Variants in CNTRL observed in about 807,000 individuals in gnomAD.
CNTRL encodes centriolin, also known as 110 kDa centrosomal protein.
CNTRL carries 233 observed loss-of-function variants against 303.7 expected under a neutral mutation model. That is an observed-to-expected ratio of 0.77 (90% confidence interval 0.69 to 0.86). The LOEUF (loss-of-function observed/expected upper bound fraction) is 0.86. Among genes scored for constraint, CNTRL ranks in the 40% least tolerant of loss-of-function variants. The pLI, the probability that CNTRL is intolerant of heterozygous loss-of-function variation, is 0.00. For synonymous variants in CNTRL, 900 were observed against 922.2 expected (o/e 0.98, Z 0.44); for missense variants, 2,524 against 2,650.6 (o/e 0.95, Z 1.05).
intron 34 of CNTRL, among the ~76,000 whole-genome samples, chr9:121,162,818 A>C (rs945300161): frequency 6.6e-6 from 1 of 152,170 alleles, no homozygotes; most frequent in Non-Finnish European, 1.5e-5. Context: ...TAATCAAAAC[A>C]CTGTGGTATT....
At chr9:121,116,984 G>A (rs186397288) in intron 11 of CNTRL, among the ~76,000 whole-genome samples, 243 of 152,286 alleles carry the variant, frequency 1.6e-3, no homozygotes, top group African/African-American at 5.7e-3. Context: ...TACATAGATT[G>A]ATAGATGTAA....
chr9:121,135,987 G>GT lies in CNTRL; in HGVS notation c.2202+6dup. 3.1e-6 allele frequency: 5 copies of GT among 1,589,168 alleles called. No individual in the cohort carries two copies. The highest frequency in any genetic ancestry group is 3.4e-6 in the Non-Finnish European group (4 of 1,163,310). ...AAAGTAACAAGACTTACCCAGGTAA[G>GT]TAGGAGCATGAAGCCAACTGCAAAC... On this transcript the variant is annotated splice_donor_region_variant and intron_variant, in intron 15 of 43. Transcript: ENST00000373855.
rs187740739 is a variant in CNTRL at position 121,162,265 on chromosome 9, C to T, written c.5417C>T (p.Thr1806Ile). The T allele has an allele frequency of 4.3e-6, 7 of 1,613,072 alleles. No homozygotes were observed. The highest frequency in any genetic ancestry group is 1.1e-5 in the South Asian group (1 of 91,028). The change falls in exon 34 of 44, where the codon ACC (threonine) becomes ATC (isoleucine). Residue 1806 changes from threonine (T) to isoleucine (I), a missense_variant. Thr to Ile is a moderately conservative substitution (Grantham distance 89, BLOSUM62 -1). Transcript: ENST00000373855. ...CDIWEKKLAQ[T>I]KRVLAAAEEN... ...ATTTGGGAAAAAAAGTTGGCACAAA[C>T]CAAAAGGTGAGAGCAAGAACAAATA...
chr9:121,114,149 C>T (rs568547779), intron 10 of CNTRL, among the ~76,000 whole-genome samples: 1 of 152,236 alleles, frequency 6.6e-6, no homozygotes, highest in Non-Finnish European at 1.5e-5. Context: ...GAAGGCTAGC[C>T]TCTGACTTTT....
At chr9:121,093,416 G>A (rs1204741214) in intron 4 of CNTRL, among the ~76,000 whole-genome samples, 1 of 152,138 alleles carries the variant, frequency 6.6e-6, no homozygotes, top group Non-Finnish European at 1.5e-5. Context: ...TTGGGTTTTG[G>A]ATTTTTTGAT....
rs753748900 is a variant in CNTRL, at chr9:121,166,114, A to G, written c.5589A>G (p.Arg1863=). ...AGAATGTCATTTCTTTAGAAAAACG[A>G]GAAGCAGTAAACTCACTGCAGGAGG... The part of the protein sequence containing the change: ...SAMQQQLQEK[R]EAVNSLQEEL... Residue 1863 remains arginine, a synonymous_variant, in exon 36 of 44, where the codon CGA becomes CGG. Transcript: ENST00000373855. 6.2e-7 allele frequency: 1 copy of G among 1,610,270 alleles called. No individual in the cohort carries two copies. The highest frequency in any genetic ancestry group is 1.1e-5 in the South Asian group (1 of 90,532).
At chr9:121,163,904 G>C (rs1351670719) in intron 34 of CNTRL, among the ~76,000 whole-genome samples, 1 of 136,044 alleles carries the variant, frequency 7.4e-6, no homozygotes, top group East Asian at 2.2e-4. Context: ...TCGCTCTGTT[G>C]CCCAGGCTGG....
At chr9:121,078,834 C>T (rs1042086709) in intron 1 of CNTRL, among the ~76,000 whole-genome samples, 4 of 152,188 alleles carry the variant, frequency 2.6e-5, no homozygotes, top group East Asian at 1.9e-4. Context: ...AGATGCATAG[C>T]GTAAGGCAGG....
Position 121,088,569 on chromosome 9 carries a change from G to A in CNTRL, c.217+26G>A, listed in dbSNP as rs771692398. ...GTATCACTTTTTAATCTAAGAATTG[G>A]TCTGACCACATACTTCAAGTAGAGA... On this transcript the variant is annotated intron_variant, in intron 3 of 43. Transcript: ENST00000373855. The A allele has an allele frequency of 2.0e-6, 3 of 1,484,008 alleles. No homozygotes were observed. In the Admixed American group the frequency reaches 5.3e-5, roughly 26 times the overall value. 91.9% of individuals were successfully genotyped at this position (1,484,008 alleles called of 1,614,324 possible).
At chr9:121,116,388 T>A (rs542872917) in intron 11 of CNTRL, among the ~76,000 whole-genome samples, 1 of 152,238 alleles carries the variant, frequency 6.6e-6, no homozygotes, top group African/African-American at 2.4e-5. Context: ...TTATTTTTAT[T>A]TTTTTGAGAC....
intron 12 of CNTRL, chr9:121,121,730 G>T (rs1262167782): frequency 1.3e-4 from 127 of 968,384 alleles, no homozygotes; most frequent in Non-Finnish European, 1.5e-4. Flanking sequence ...GGGCCTGCCC[G>T]CAGAGGCTGC....
chr9:121,168,069 G>GTTTTT (rs778879312), intron 37 of CNTRL, 27 bp from the exon 38 acceptor site: 3 of 1,577,150 alleles, frequency 1.9e-6, no homozygotes, highest in Non-Finnish European at 2.6e-6. Flanking sequence ...GTTGTTTAAT[G>GTTTTT]ACTAATCAAG....
chr9:121,115,436 A>G (rs1462317770), intron 11 of CNTRL, among the ~76,000 whole-genome samples: 2 of 152,212 alleles, frequency 1.3e-5, no homozygotes, highest in African/African-American at 4.8e-5. Context: ...AATTTTATGT[A>G]AAAAGGTGTA....
Position 121,154,703 on chromosome 9 carries a change from G to T in CNTRL, c.4173-18G>T. 1.4e-6 allele frequency: 2 copies of T among 1,471,822 alleles called. No individual in the cohort carries two copies. Among genetic ancestry groups the T allele is most frequent in the Non-Finnish European group, 1.9e-6 (2 of 1,053,606 alleles). 91.2% of individuals were successfully genotyped at this position (1,471,822 alleles called of 1,614,324 possible). A position where few individuals can be genotyped will look rare whatever the true frequency, so the allele number is the denominator to read the frequency against. The stretch of plus-strand genomic sequence containing the variant: ...CTACATTTAACATTTTTTAATGGGT[G>T]TATATATTATTTTTTAGGGACTTCA... On this transcript the variant is annotated intron_variant, in intron 26 of 43. Transcript: ENST00000373855.
intron 2 of CNTRL, 125 bp from the exon 3 acceptor site, chr9:121,088,171 G>A (rs142142570): frequency 8.2e-6 from 5 of 608,634 alleles, no homozygotes; most frequent in Non-Finnish European, 1.2e-5. Context: ...TCAGCTTGGA[G>A]TAGTATGGGT....
chr9:121,110,323 T>C (rs2049690756), intron 8 of CNTRL, among the ~76,000 whole-genome samples: 1 of 152,150 alleles, frequency 6.6e-6, no homozygotes, highest in Non-Finnish European at 1.5e-5. Context: ...ATGAAAATAA[T>C]TTGAAATGAA....
chr9:121,156,683 C>G (rs760753610), intron 27 of CNTRL, among the ~76,000 whole-genome samples: 1 of 152,124 alleles, frequency 6.6e-6, no homozygotes, highest in East Asian at 1.9e-4. Flanking sequence ...AAACCACACT[C>G]TATTTATTTT....
chr9:121,090,095 T>C (rs2048499698), intron 3 of CNTRL, among the ~76,000 whole-genome samples, 180 bp from the exon 4 acceptor site: 1 of 134,504 alleles, frequency 7.4e-6, no homozygotes, highest in South Asian at 2.2e-4. Context: ...CATTATTTCA[T>C]TATAATTATG....
At chr9:121,157,629 A>G (rs1186570958) in intron 28 of CNTRL, 29 bp downstream of exon 28, 4 of 1,607,018 alleles carry the variant, frequency 2.5e-6, no homozygotes, top group Non-Finnish European at 3.4e-6. Context: ...CCGTTGATGT[A>G]TACATTGAGA....
Sources: allele counts gnomAD v4.1 joint callset (sites outside exome capture counted in the v4.1 genomes callset), GRCh38; gene constraint gnomAD v4.1.1; transcripts MANE v1.5; gene names NCBI Gene and HGNC (gene_info 2026-07-23, HGNC 2026-07-21).